The following CLCN7 variants were observed in gnomAD, a reference collection of about 807,000 sequenced individuals.
CLCN7 encodes the protein H(+)/Cl(-) exchange transporter 7.
A neutral mutation model predicts 102.1 loss-of-function variants in CLCN7; 60 were observed. The observed-to-expected ratio is 0.59, with a 90% CI of 0.48 to 0.73. CLCN7 has a LOEUF of 0.73. Ranked by LOEUF, CLCN7 falls within the 30% of genes least tolerant of loss-of-function variation. CLCN7 has a pLI of 0.00. For synonymous variants in CLCN7, 560 were observed against 490.5 expected (o/e 1.14, Z -1.87); for missense variants, 962 against 1,125.7 (o/e 0.85, Z 2.08).
chr16:1,448,690 A>T lies in CLCN7; in HGVS notation c.1874T>A (p.Leu625His), dbSNP rs2038693791. ...GTCCTGGGCGCTGTACCTGGCAGTG[A>T]GTGAGTGTGAGGTGACCGGGGCCTC... ...HWEAPVTSHS[L>H]TAREVMSTPV... Residue 625 changes from leucine to histidine, a missense_variant, in exon 20 of 25, where the codon CTC (leucine) becomes CAC (histidine). Leu to His is a moderately conservative substitution (Grantham distance 99). Around this residue, in one of 2 missense-constraint regions of CLCN7, gnomAD observed 799 missense variants for 988.0 expected, o/e 0.81. Transcript: ENST00000382745. 1.2e-6 allele frequency: 2 copies of T among 1,612,654 alleles called. No homozygotes were observed. The highest frequency in any genetic ancestry group is 1.7e-6 in the Non-Finnish European group (2 of 1,179,934).
intron 10 of CLCN7, among the ~76,000 whole-genome samples, 155 bp from the exon 11 acceptor site, chr16:1,455,950 C>T (rs2038828676): frequency 6.6e-6 from 1 of 152,232 alleles, no homozygotes; most frequent in Admixed American, 6.5e-5. Context: ...TGAGGGAGGT[C>T]TGAGGGCTGG....
intron 11 of CLCN7, 167 bp from the exon 12 acceptor site, chr16:1,455,417 C>T (rs991004275): frequency 1.6e-5 from 11 of 693,158 alleles, no homozygotes; most frequent in East Asian, 5.3e-5. Flanking sequence ...GCGCACTGTG[C>T]GGGCAAGGAG....
intron 2 of CLCN7, among the ~76,000 whole-genome samples, chr16:1,462,044 C>T (rs1393723347): frequency 2.0e-5 from 3 of 151,210 alleles, no homozygotes; most frequent in African/African-American, 7.3e-5. Context: ...GAGATTGCGC[C>T]GTTGCACTCC....
chr16:1,453,739 GCCTAGGAGTGTAAACC>G, intron 14 of CLCN7, 79 bp downstream of exon 14: 1 of 1,165,490 alleles, frequency 8.6e-7, no homozygotes, highest in Non-Finnish European at 1.3e-6. Context: ...TTCGGCTGTG[GCCTAGGAGTGTAAACC>G]CCATTCCACC....
At chr16:1,450,006 C>G (rs1156598226) in intron 17 of CLCN7, 1 of 174,572 alleles carries the variant, frequency 5.7e-6, no homozygotes, top group African/African-American at 2.4e-5. Context: ...TACAGGTTTT[C>G]AGTCTTATTT....
chr16:1,468,275 C>G (rs2039031691), intron 1 of CLCN7, among the ~76,000 whole-genome samples: 1 of 152,148 alleles, frequency 6.6e-6, no homozygotes, highest in Non-Finnish European at 1.5e-5. Flanking sequence ...AGCGGGCCAC[C>G]CCCACCGCCG....
chr16:1,454,067 G>A (rs572915553), intron 13 of CLCN7, among the ~76,000 whole-genome samples, 173 bp from the exon 14 acceptor site: 11 of 152,360 alleles, frequency 7.2e-5, no homozygotes, highest in South Asian at 2.1e-4. Flanking sequence ...TGAGGGCTGG[G>A]GGAGCTGTTT....
Position 1,457,019 on chromosome 16 carries a change from C to T in CLCN7, c.822+235G>A, listed in dbSNP as rs573740455. On this transcript the variant is annotated intron_variant, in intron 9 of 24. Coordinates refer to ENST00000382745, the MANE Select transcript of CLCN7 (RefSeq NM_001287.6). This position sits in a 1 kb window ranked among gnomAD's most constrained non-coding sequence, Gnocchi z 5.4. ...CCGCTTGGAGCCACAGACCCTCCCA[C>T]GGGAAACACTGATGCACGTGTGGCA... Among the ~76,000 whole-genome samples the T allele has an allele frequency of 2.6e-4, 40 of 152,240 alleles. 1 individual carries two copies. The highest frequency in any genetic ancestry group is 7.5e-4 in the African/African-American group (31 of 41,544).
At chr16:1,474,806 T>TC in intron 1 of CLCN7, 28 bp downstream of exon 1, 1 of 1,298,690 alleles carries the variant, frequency 7.7e-7, no homozygotes. Flanking sequence ...GGGCTCAGTT[T>TC]CCCCGCCTGC....
Position 1,447,660 on chromosome 16 carries a change from G to A in CLCN7, c.2068C>T (p.His690Tyr). Residue 690 changes from histidine (H) to tyrosine (Y), a missense_variant, in exon 22 of 25, where the codon CAC becomes TAC. His to Tyr is a moderately conservative substitution (Grantham distance 83). This residue lies in a region of CLCN7 where 799 missense variants were observed against 988.0 expected (regional missense o/e 0.81). Transcript: ENST00000382745. ...LRSQLIVLLK[H>Y]KVFVERSNLG... ...GCCCGGAGCCTGGCACGCACCTTGT[G>A]CTTTAGGAGAACGATGAGCTGGGAG... The A allele has an allele frequency of 6.4e-7, 1 of 1,557,446 alleles. No homozygotes were observed. Among genetic ancestry groups the A allele is most frequent in the Non-Finnish European group, 8.7e-7 (1 of 1,150,996 alleles).
intron 14 of CLCN7, 32 bp downstream of exon 14, chr16:1,453,802 C>T: frequency 6.2e-7 from 1 of 1,609,982 alleles, no homozygotes; most frequent in Non-Finnish European, 8.5e-7. Flanking sequence ...GCCACGCCTG[C>T]CAACGCGATA....
At position 1,464,641 on chromosome 16, in the gene CLCN7, G is replaced by A. The variant is rs562510314; in HGVS notation, c.213+626C>T. ...ATGCCTCAGCCTCTGACGTGGCCCA[G>A]GGCAGAGCCAGGTGGGGCCTGATGG... On this transcript the variant is annotated intron_variant, in intron 2 of 24. Transcript: ENST00000382745. Among the ~76,000 whole-genome samples the A allele has an allele frequency of 3.3e-5, 5 of 152,360 alleles. No homozygotes were observed. The South Asian group carries it at 1.0e-3, about 32-fold the overall frequency.
intron 15 of CLCN7, chr16:1,452,474 G>T: frequency 2.0e-6 from 1 of 494,988 alleles, no homozygotes; most frequent in Non-Finnish European, 3.7e-6. Flanking sequence ...TGCCCCCATA[G>T]GGCGCCTGAG....
Position 1,446,174 on chromosome 16 carries a change from CA to C in CLCN7, c.*456del. ...GCTCATGGCTGAAAATGAGGCCAAG[CA>C]GCTCCCAAGTCTCGAAGACTCCACT... is the stretch of plus-strand genomic sequence containing the variant. On this transcript the variant is annotated 3_prime_UTR_variant, in exon 25 of 25. Coordinates refer to ENST00000382745, the MANE Select transcript of CLCN7 (RefSeq NM_001287.6). 1 of 605,728 alleles carries C rather than the reference CA, an allele frequency of 1.7e-6. No individual in the cohort carries two copies. The highest frequency in any genetic ancestry group is 2.7e-5 in the East Asian group (1 of 36,520). 37.5% of individuals were successfully genotyped at this position (605,728 alleles called of 1,614,324 possible).
chr16:1,455,927 C>T (rs2038828404), intron 10 of CLCN7, 132 bp from the exon 11 acceptor site: 1 of 1,108,908 alleles, frequency 9.0e-7, no homozygotes, highest in South Asian at 1.3e-5. Context: ...CCCAGCCACA[C>T]AGAGAGGGAC....
At chr16:1,459,250 G>T in intron 6 of CLCN7, 63 bp from the exon 7 acceptor site, 1 of 1,159,130 alleles carries the variant, frequency 8.6e-7, no homozygotes, top group Non-Finnish European at 1.2e-6. Flanking sequence ...CAGCCCCTCA[G>T]CCCCAGGAGC....
intron 1 of CLCN7, among the ~76,000 whole-genome samples, chr16:1,468,686 T>C (rs1255098486): frequency 6.6e-6 from 1 of 151,856 alleles, no homozygotes; most frequent in Admixed American, 6.6e-5. Flanking sequence ...GTCATCAGGG[T>C]TGGGAGTGGG....
At position 1,455,186 on chromosome 16, in the gene CLCN7, A is replaced by G. The variant is rs1440862901; in HGVS notation, c.1046T>C (p.Met349Thr). The G allele has an allele frequency of 2.5e-6, 4 of 1,613,948 alleles. No homozygotes were observed. The highest frequency in any genetic ancestry group is 2.2e-5 in the East Asian group (1 of 44,880). Residue 349 changes from methionine to threonine, a missense_variant, in exon 12 of 25, where the codon ATG becomes ACG. Around this residue, in one of 2 missense-constraint regions of CLCN7, gnomAD observed 799 missense variants for 988.0 expected, o/e 0.81. Transcript: ENST00000382745. ...NFVLSIYHGN[M>T]WDLSSPGLIN... is the part of the protein sequence containing the mutation. ...GAGGCCTGGGCTGGACAGGTCCCACATGTTCCCGTGGTAAATGCTCAGAAC... is the reference window on the plus strand; with the variant it reads ...GAGGCCTGGGCTGGACAGGTCCCACGTGTTCCCGTGGTAAATGCTCAGAAC...
chr16:1,454,003 A>C, intron 13 of CLCN7, 109 bp from the exon 14 acceptor site: 5 of 1,050,400 alleles, frequency 4.8e-6, no homozygotes, highest in South Asian at 1.3e-5. Context: ...AGGGAAGGGG[A>C]CGGCAGGGGG....
Sources: gnomAD v4.1 joint callset for allele counts (sites outside exome capture counted in the v4.1 genomes callset) on GRCh38, gnomAD v4.1.1 for gene constraint, gnomAD v4.1.1 regional missense constraint, Gnocchi (gnomAD v3.1) non-coding constraint, MANE v1.5 for transcripts, NCBI Gene and HGNC (gene_info 2026-07-23, HGNC 2026-07-21) for gene names.